The following CHN1 variants were observed in gnomAD, a reference collection of about 807,000 sequenced individuals.
CHN1 encodes N-chimaerin.
In CHN1, 37 loss-of-function variants were observed where a neutral mutation model predicts 59.5. The ratio of observed to expected loss-of-function variants is 0.62; its 90% CI spans 0.48 to 0.82. The LOEUF is 0.82. Ranked by LOEUF, CHN1 falls within the 40% of genes least tolerant of loss-of-function variation. The pLI, the probability that CHN1 is intolerant of heterozygous loss-of-function variation, is 0.00. For synonymous variants in CHN1, 206 were observed against 200.4 expected (o/e 1.03, Z -0.24); for missense variants, 469 against 571.0 (o/e 0.82, Z 1.82).
intron 7 of CHN1, among the ~76,000 whole-genome samples, chr2:174,838,824 G>A (rs1686185250): frequency 6.6e-6 from 1 of 152,030 alleles, no homozygotes; most frequent in African/African-American, 2.4e-5. Context: ...AGACCAGCCT[G>A]ACCAACATGG....
At chr2:175,000,682 G>A (rs1691863588) in intron 1 of CHN1, among the ~76,000 whole-genome samples, 1 of 152,112 alleles carries the variant, frequency 6.6e-6, no homozygotes, top group Admixed American at 6.6e-5. Context: ...GACCTCAAAT[G>A]ATCCACCCAC....
rs139504023 is a variant in CHN1, at chr2:174,818,723, A to G, written c.712+5711T>C. ...TAAACATATGAAAGGAGGAATAAAA[A>G]ATTCAAGTCACATTTTATTCTATAC... On this transcript the variant is annotated intron_variant, in intron 8 of 12. Coordinates refer to ENST00000409900, the MANE Select transcript of CHN1 (RefSeq NM_001822.7). Among the ~76,000 whole-genome samples the G allele has an allele frequency of 5.4e-3, 817 of 152,282 alleles. 3 individuals carry two copies. The highest frequency in any genetic ancestry group is 0.019 in the African/African-American group (777 of 41,566).
intron 1 of CHN1, among the ~76,000 whole-genome samples, chr2:174,972,602 T>C (rs1690793568): frequency 1.3e-5 from 2 of 152,156 alleles, no homozygotes; most frequent in Admixed American, 6.5e-5. Context: ...TAGTCGTAGT[T>C]TGAGCTATGC....
At chr2:174,903,800 T>C (rs1688460492) in intron 5 of CHN1, among the ~76,000 whole-genome samples, 1 of 152,206 alleles carries the variant, frequency 6.6e-6, no homozygotes, top group Admixed American at 6.5e-5. Context: ...TCAAATGCAC[T>C]TAATTTGGCT....
intron 7 of CHN1, chr2:174,846,464 A>G (rs1686520289): frequency 6.7e-7 from 1 of 1,500,244 alleles, no homozygotes; most frequent in South Asian, 1.3e-5. Context: ...CCATCTGCTC[A>G]ATCCAGATGC....
rs548744527 is a variant in CHN1, at chr2:174,860,355, A to G, written c.550-13398T>C. On this transcript the variant is annotated intron_variant, in intron 6 of 12. Transcript: ENST00000409900. ...GAGACTGCAGATTGGTAATTCAGTG[A>G]GTAATTATATAATTAGGATGTATTT... Among the ~76,000 whole-genome samples, 5 of 152,308 alleles carry G rather than the reference A, an allele frequency of 3.3e-5. 1 individual carries two copies. The highest frequency in any genetic ancestry group is 1.2e-4 in the African/African-American group (5 of 41,570).
intron 7 of CHN1, among the ~76,000 whole-genome samples, chr2:174,827,393 G>A (rs1002330297): frequency 1.6e-4 from 24 of 152,206 alleles, no homozygotes; most frequent in African/African-American, 5.3e-4. Flanking sequence ...GGGAAGAGAC[G>A]CAACCCATGA....
chr2:174,808,388 A>G (rs1236475097), intron 11 of CHN1, among the ~76,000 whole-genome samples: 1 of 152,152 alleles, frequency 6.6e-6, no homozygotes, highest in Non-Finnish European at 1.5e-5. Flanking sequence ...GGTTCAAGCA[A>G]TTCTCCTGCC....
At position 174,963,412 on chromosome 2, in the gene CHN1, C is replaced by T. The variant is rs150283595; in HGVS notation, c.20-11210G>A. On this transcript the variant is annotated intron_variant, in intron 1 of 12. Transcript: ENST00000409900. Reference sequence around the variant, plus strand: ...AACACATACCAGAAGAGGTATTATCCGACAAGACTCTTAAAGGATAGATGG... The same window carrying T: ...AACACATACCAGAAGAGGTATTATCTGACAAGACTCTTAAAGGATAGATGG... 3.3e-3 allele frequency among the ~76,000 whole-genome samples: 507 copies of T among 152,156 alleles called. 5 individuals carry two copies. Among genetic ancestry groups the T allele is most frequent in the African/African-American group, 0.011 (465 of 41,502 alleles).
intron 5 of CHN1, among the ~76,000 whole-genome samples, chr2:174,900,273 T>C (rs919818523): frequency 1.3e-5 from 2 of 152,064 alleles, no homozygotes; most frequent in African/African-American, 4.8e-5. Flanking sequence ...GGAGGATTGC[T>C]TCTCGGGCCA....
At chr2:174,819,167 A>C (rs1441061949) in intron 8 of CHN1, among the ~76,000 whole-genome samples, 1 of 152,224 alleles carries the variant, frequency 6.6e-6, no homozygotes, top group East Asian at 1.9e-4. Flanking sequence ...GAAACTTTTA[A>C]GCAAGTCTTA....
At chr2:174,801,993 T>C in intron 11 of CHN1, 181 bp from the exon 12 acceptor site, 2 of 484,004 alleles carry the variant, frequency 4.1e-6, no homozygotes. Flanking sequence ...CAAAGGCTCT[T>C]AGTTTCAATG....
chr2:174,932,933 T>C, intron 3 of CHN1, among the ~76,000 whole-genome samples: 1 of 152,180 alleles, frequency 6.6e-6, no homozygotes, highest in African/African-American at 2.4e-5. Flanking sequence ...TTTATAGCAA[T>C]GTGAGAACAG....
At chr2:174,847,033 G>C (rs1448356197) in intron 6 of CHN1, 76 bp from the exon 7 acceptor site, 7 of 1,551,564 alleles carry the variant, frequency 4.5e-6, no homozygotes, top group Non-Finnish European at 6.1e-6. Context: ...TCATTCCCAA[G>C]GCTGCTATCA....
chr2:174,848,987 T>C (rs983706234), intron 6 of CHN1, among the ~76,000 whole-genome samples: 2 of 152,162 alleles, frequency 1.3e-5, no homozygotes, highest in African/African-American at 2.4e-5. Flanking sequence ...TCTTTAGACA[T>C]GTACAGCCTA....
chr2:174,984,231 T>G (rs927559174), intron 1 of CHN1, among the ~76,000 whole-genome samples: 1 of 152,176 alleles, frequency 6.6e-6, no homozygotes, highest in African/African-American at 2.4e-5. Context: ...GCTATGTGTA[T>G]ATCCCTTACA....
intron 1 of CHN1, among the ~76,000 whole-genome samples, chr2:174,993,607 G>C (rs1301626899): frequency 2.0e-5 from 3 of 149,672 alleles, no homozygotes; most frequent in African/African-American, 7.4e-5. Flanking sequence ...GTGCTTGAGA[G>C]GGTACCAAAA....
chr2:174,838,255 G>A (rs933426591), intron 7 of CHN1, among the ~76,000 whole-genome samples: 10 of 151,942 alleles, frequency 6.6e-5, no homozygotes, highest in South Asian at 4.1e-4. Flanking sequence ...CATCACGCCC[G>A]GCTAATTTTG....
At chr2:174,885,568 C>T (rs542458515) in intron 5 of CHN1, among the ~76,000 whole-genome samples, 1 of 152,086 alleles carries the variant, frequency 6.6e-6, no homozygotes, top group African/African-American at 2.4e-5. Context: ...AATCTTGGCT[C>T]ACTGCAACCT....
Sources: allele counts gnomAD v4.1 joint callset (sites outside exome capture counted in the v4.1 genomes callset), GRCh38; gene constraint gnomAD v4.1.1; transcripts MANE v1.5; gene names NCBI Gene and HGNC (gene_info 2026-07-23, HGNC 2026-07-21).